The following CORIN variants were observed in gnomAD, a reference collection of about 807,000 sequenced individuals.
The protein encoded by CORIN is corin, serine peptidase, also known as atrial natriuretic peptide-converting enzyme.
A neutral mutation model predicts 125.3 loss-of-function variants in CORIN; 117 were observed. The ratio of observed to expected loss-of-function variants is 0.93; its 90% CI spans 0.80 to 1.09. The LOEUF (loss-of-function observed/expected upper bound fraction) is 1.09, where lower values mean the gene tolerates loss of function less well. CORIN is among the 50% of genes least tolerant of loss of function. CORIN has a pLI of 0.00. For missense variants in CORIN, 1,253 were observed against 1,306.7 expected, an observed-to-expected ratio of 0.96 and a Z score of 0.63; for synonymous variants, 450 against 466.4, an observed-to-expected ratio of 0.96 and a Z score of 0.45.
At chr4:47,795,575 A>G (rs935826876) in intron 2 of CORIN, among the ~76,000 whole-genome samples, 3 of 151,982 alleles carry the variant, frequency 2.0e-5, no homozygotes, top group African/African-American at 7.2e-5. Flanking sequence ...TGACATAAAA[A>G]GCACTGGCAA....
intron 19 of CORIN, among the ~76,000 whole-genome samples, chr4:47,619,551 T>A: frequency 6.6e-6 from 1 of 152,368 alleles, no homozygotes; most frequent in Non-Finnish European, 1.5e-5. Flanking sequence ...TTCTTCTGGA[T>A]AGACTAGGCC....
intron 5 of CORIN, among the ~76,000 whole-genome samples, chr4:47,714,854 T>G (rs2109784522): frequency 6.6e-6 from 1 of 152,384 alleles, no homozygotes; most frequent in South Asian, 2.1e-4. Flanking sequence ...CACATCTTTC[T>G]GCTTTCTATC....
In CORIN at chr4:47,749,168, G is replaced by A. The variant is rs115251388; in HGVS notation, c.618-4585C>T. The stretch of plus-strand genomic sequence containing the variant: ...TGACAGGTGGACTTTAAGATGGCCC[G>A]CAATGATCTCTGCTTCCTGGTATTC... On this transcript the variant is annotated intron_variant, in intron 4 of 21. Transcript: ENST00000273857. Among the ~76,000 whole-genome samples the A allele has an allele frequency of 3.9e-3, 590 of 151,720 alleles. 2 individuals are homozygous for A. Among genetic ancestry groups the A allele is most frequent in the African/African-American group, 0.012 (485 of 41,394 alleles).
chr4:47,750,000 C>T (rs1728828428), intron 4 of CORIN, among the ~76,000 whole-genome samples: 1 of 152,190 alleles, frequency 6.6e-6, no homozygotes, highest in South Asian at 2.1e-4. Flanking sequence ...TGACTCCAGT[C>T]CAGTGCTCCC....
At chr4:47,762,790 G>A (rs1405487387) in intron 4 of CORIN, among the ~76,000 whole-genome samples, 1 of 152,200 alleles carries the variant, frequency 6.6e-6, no homozygotes, top group Non-Finnish European at 1.5e-5. Context: ...TGGCAGATGG[G>A]AGGGTGGGAG....
intron 12 of CORIN, among the ~76,000 whole-genome samples, chr4:47,660,987 T>C (rs895696997): frequency 6.6e-6 from 1 of 152,214 alleles, no homozygotes; most frequent in African/African-American, 2.4e-5. Context: ...AATGGATTAT[T>C]ATTCAGCCTT....
Position 47,645,068 on chromosome 4 carries a change from C to T in CORIN, c.1957+13G>A. 1 of 1,496,284 alleles carries T rather than the reference C, an allele frequency of 6.7e-7. No homozygotes were observed. Among genetic ancestry groups the T allele is most frequent in the Non-Finnish European group, 9.2e-7 (1 of 1,081,938 alleles). 92.7% of individuals were successfully genotyped at this position (1,496,284 alleles called of 1,614,324 possible). A position where few individuals can be genotyped will look rare whatever the true frequency, so the allele number is the denominator to read the frequency against. On this transcript the variant is annotated intron_variant, in intron 14 of 21. Coordinates refer to ENST00000273857, the MANE Select transcript of CORIN (RefSeq NM_006587.4). ...TAAAAATGCTCTGTTGACAAATTCG[C>T]ATAAGCACTTACAGCAGTTTTTCTC...
At chr4:47,638,848 C>A (rs1401905761) in intron 16 of CORIN, among the ~76,000 whole-genome samples, 1 of 152,178 alleles carries the variant, frequency 6.6e-6, no homozygotes, top group Non-Finnish European at 1.5e-5. Flanking sequence ...CTTGAGATAG[C>A]AACAGATGAA....
chr4:47,600,392 C>T (rs1452526570), intron 20 of CORIN, 45 bp from the exon 21 acceptor site: 3 of 1,461,776 alleles, frequency 2.1e-6, no homozygotes, highest in Non-Finnish European at 1.9e-6. Flanking sequence ...GATAAAATGA[C>T]TCAAAAGTGA....
intron 5 of CORIN, among the ~76,000 whole-genome samples, chr4:47,709,367 C>T (rs992707534): frequency 6.6e-6 from 1 of 152,112 alleles, no homozygotes; most frequent in Non-Finnish European, 1.5e-5. Context: ...AATCTTGGCT[C>T]ACTGCAGCCT....
intron 7 of CORIN, 24 bp downstream of exon 7, chr4:47,683,707 C>A (rs765278065): frequency 6.5e-7 from 1 of 1,536,380 alleles, no homozygotes; most frequent in East Asian, 2.3e-5. Flanking sequence ...AAATTAAAAC[C>A]TTTGGGGAAA....
intron 3 of CORIN, among the ~76,000 whole-genome samples, chr4:47,771,108 T>C (rs1730009188): frequency 6.6e-6 from 1 of 152,152 alleles, no homozygotes; most frequent in Admixed American, 6.5e-5. Flanking sequence ...TTTTTCATAT[T>C]TCATGTAAAT....
intron 13 of CORIN, among the ~76,000 whole-genome samples, chr4:47,648,790 G>A (rs1260696989): frequency 1.3e-5 from 2 of 152,254 alleles, no homozygotes; most frequent in Non-Finnish European, 2.9e-5. Context: ...CTGCATTATT[G>A]AGCTGACAAA....
At chr4:47,807,281 A>G (rs1337034274) in intron 1 of CORIN, among the ~76,000 whole-genome samples, 3 of 152,260 alleles carry the variant, frequency 2.0e-5, no homozygotes, top group African/African-American at 7.2e-5. Flanking sequence ...TCGGAAGTAC[A>G]TAGGCTTTTA....
intron 5 of CORIN, 50 bp downstream of exon 5, chr4:47,744,352 G>A: frequency 1.3e-6 from 2 of 1,490,022 alleles, no homozygotes; most frequent in East Asian, 2.3e-5. Context: ...TGTATAAATG[G>A]CATACTCAAA....
intron 5 of CORIN, among the ~76,000 whole-genome samples, chr4:47,723,332 A>G (rs1161341608): frequency 6.6e-6 from 1 of 152,196 alleles, no homozygotes; most frequent in Non-Finnish European, 1.5e-5. Flanking sequence ...AGAGCTATGT[A>G]TAAAGTCCTG....
intron 3 of CORIN, among the ~76,000 whole-genome samples, chr4:47,785,191 C>T (rs1288254159): frequency 1.3e-5 from 2 of 152,156 alleles, no homozygotes; most frequent in Non-Finnish European, 2.9e-5. Context: ...AGAGCCAAGA[C>T]AACTATGGAG....
At chr4:47,654,877 G>A (rs545453903) in intron 12 of CORIN, among the ~76,000 whole-genome samples, 2 of 151,444 alleles carry the variant, frequency 1.3e-5, no homozygotes, top group Admixed American at 6.6e-5. Flanking sequence ...CCAACCCCAG[G>A]CAGGCACAGC....
chr4:47,618,357 A>T (rs1330788510), intron 19 of CORIN, among the ~76,000 whole-genome samples: 1 of 150,136 alleles, frequency 6.7e-6, no homozygotes, highest in Non-Finnish European at 1.5e-5. Context: ...AAAGGAAAGG[A>T]AAGGGAAGGG....
Sources: gnomAD v4.1 joint callset for allele counts (sites outside exome capture counted in the v4.1 genomes callset) on GRCh38, gnomAD v4.1.1 for gene constraint, MANE v1.5 for transcripts, NCBI Gene and HGNC (gene_info 2026-07-23, HGNC 2026-07-21) for gene names.